Variants in TJP1 observed in about 807,000 individuals in gnomAD.
TJP1 encodes the protein tight junction protein 1, also known as tight junction protein ZO-1.
Under a neutral mutation model 194.2 loss-of-function variants are expected in TJP1, and 43 were observed. That is an observed-to-expected ratio of 0.22 (90% CI 0.17 to 0.29). The LOEUF (loss-of-function observed/expected upper bound fraction) is 0.29. Ranked by LOEUF, TJP1 falls within the 10% of genes least tolerant of loss-of-function variation. TJP1 has a pLI of 1.00. For missense variants in TJP1, 1,971 were observed against 2,185.7 expected, an observed-to-expected ratio of 0.90 and a Z score of 1.96; for synonymous variants, 801 against 779.0, an observed-to-expected ratio of 1.03 and a Z score of -0.47.
intron 2 of TJP1, among the ~76,000 whole-genome samples, chr15:29,953,008 G>A (rs1257766232): frequency 6.6e-6 from 1 of 152,058 alleles, no homozygotes; most frequent in Non-Finnish European, 1.5e-5. Context: ...GGTTCTACAT[G>A]ATTATATTAC....
intron 2 of TJP1, among the ~76,000 whole-genome samples, chr15:29,794,667 A>G (rs1396537837): frequency 6.6e-6 from 1 of 152,224 alleles, no homozygotes; most frequent in East Asian, 1.9e-4. Context: ...AAGAGCATAC[A>G]AAGGGAAACA....
At chr15:29,929,254 A>G (rs1459988900) in intron 2 of TJP1, among the ~76,000 whole-genome samples, 1 of 152,208 alleles carries the variant, frequency 6.6e-6, no homozygotes, top group African/African-American at 2.4e-5. Context: ...GAAACCATAA[A>G]GGATATTAGG....
chr15:29,912,414 A>T (rs2054043580), intron 2 of TJP1, among the ~76,000 whole-genome samples: 1 of 152,222 alleles, frequency 6.6e-6, no homozygotes, highest in Non-Finnish European at 1.5e-5. Context: ...TTTGTAGTCA[A>T]AGAGGTAGCT....
intron 4 of TJP1, among the ~76,000 whole-genome samples, chr15:29,771,443 G>A (rs1051963034): frequency 6.6e-6 from 1 of 152,100 alleles, no homozygotes; most frequent in African/African-American, 2.4e-5. Context: ...GTCTGTTGTT[G>A]ACCAAAACAT....
At chr15:29,946,059 G>A (rs1357742132) in intron 2 of TJP1, among the ~76,000 whole-genome samples, 1 of 152,154 alleles carries the variant, frequency 6.6e-6, no homozygotes, top group African/African-American at 2.4e-5. Context: ...AACACAATAT[G>A]CAGAAAACAA....
At chr15:29,769,890 G>A (rs1261050335) in intron 4 of TJP1, among the ~76,000 whole-genome samples, 1 of 152,104 alleles carries the variant, frequency 6.6e-6, no homozygotes, top group Non-Finnish European at 1.5e-5. Flanking sequence ...ACTGCAGAGT[G>A]TACTCCCTCT....
At chr15:29,915,007 CTG>C (rs1213704158) in intron 2 of TJP1, among the ~76,000 whole-genome samples, 1 of 152,106 alleles carries the variant, frequency 6.6e-6, no homozygotes, top group African/African-American at 2.4e-5. Context: ...TGCAAAAAAA[CTG>C]TTGTTCAATG....
chr15:29,725,175 A>G (rs1299061009), intron 18 of TJP1, among the ~76,000 whole-genome samples: 1 of 152,086 alleles, frequency 6.6e-6, no homozygotes, highest in East Asian at 1.9e-4. Context: ...TTCCACCTTC[A>G]TTTTCCTATC....
chr15:29,949,256 TCCA>T (rs770084103), intron 2 of TJP1, among the ~76,000 whole-genome samples: 1,984 of 41,114 alleles, frequency 0.048, 214 homozygotes, highest in East Asian at 0.13. Context: ...CACCACCACC[TCCA>T]CCACCACCAC....
At position 29,718,878 on chromosome 15, in the gene TJP1, T is replaced by C; in HGVS notation, c.3264A>G (p.Glu1088=). Residue 1088 remains glutamate (E), a synonymous_variant, in exon 21 of 28, where the codon GAA becomes GAG. Coordinates refer to ENST00000614355, the MANE Select transcript of TJP1 (RefSeq NM_001330239.4). ...TGTCATCATAATATGACCACTGTTC[T>C]TCATACATGGGGACGCGATCTTCGT... is the stretch of plus-strand genomic sequence containing the variant. The part of the protein sequence containing the change: ...LRYEDRVPMY[E]EQWSYYDDKQ... 1 of 1,614,222 alleles carries C rather than the reference T, an allele frequency of 6.2e-7. No homozygotes were observed. Among genetic ancestry groups the C allele is most frequent in the Non-Finnish European group, 8.5e-7 (1 of 1,180,040 alleles).
rs536991539 is a variant in TJP1 at position 29,701,839 on chromosome 15, T to G, written c.5213-150A>C. 105 of 618,492 alleles carry G rather than the reference T, an allele frequency of 1.7e-4. 2 individuals are homozygous for G. The South Asian group carries it at 2.5e-3, about 15-fold the overall frequency. The allele number at this position is 618,492 out of a possible 1,614,324, so 38.3% of individuals were successfully genotyped here. On this transcript the variant is annotated intron_variant, in intron 27 of 27. Transcript: ENST00000614355. Reference sequence around the variant, plus strand: ...TTTGTATCAAAACACATTGCTGTATTTCAAAGCAGATCTGCTGGCATCTAA... The same window carrying G: ...TTTGTATCAAAACACATTGCTGTATGTCAAAGCAGATCTGCTGGCATCTAA...
rs369425282 is a variant in TJP1 at position 29,804,011 on chromosome 15, T to C, written c.28-3309A>G. ...CCATAATATAAGTGAGTTACTATGT[T>C]TTACCACTCCTTATCTTTAAAAAAA... On this transcript the variant is annotated intron_variant, in intron 1 of 27. Transcript: ENST00000614355. Among the ~76,000 whole-genome samples, 56 of 151,918 alleles carry C rather than the reference T, an allele frequency of 3.7e-4. No homozygotes were observed. The Middle Eastern group carries it at 0.014, about 37-fold the overall frequency.
At chr15:29,882,818 A>G (rs1463946291) in intron 2 of TJP1, among the ~76,000 whole-genome samples, 2 of 152,096 alleles carry the variant, frequency 1.3e-5, no homozygotes, top group Non-Finnish European at 2.9e-5. Flanking sequence ...TAACTAGAAA[A>G]AGATTTGGCC....
At chr15:29,898,613 G>A (rs1428008123) in intron 2 of TJP1, among the ~76,000 whole-genome samples, 1 of 152,122 alleles carries the variant, frequency 6.6e-6, no homozygotes, top group East Asian at 1.9e-4. Flanking sequence ...TGCTAATACA[G>A]GTGGAGCACC....
chr15:29,773,426 T>C (rs1303857690), intron 2 of TJP1, 69 bp from the exon 3 acceptor site: 1 of 1,472,152 alleles, frequency 6.8e-7, no homozygotes, highest in African/African-American at 1.4e-5. Context: ...TACTCTACAA[T>C]CTAGAGAAGC....
intron 2 of TJP1, among the ~76,000 whole-genome samples, chr15:29,877,098 A>G (rs1567157927): frequency 6.6e-6 from 1 of 152,254 alleles, no homozygotes; most frequent in Non-Finnish European, 1.5e-5. Context: ...TGTTAACTAA[A>G]TGAGGATGTT....
intron 1 of TJP1, 97 bp from the exon 2 acceptor site, chr15:29,800,799 C>T (rs1224692233): frequency 8.6e-7 from 1 of 1,166,974 alleles, no homozygotes; most frequent in East Asian, 2.4e-5. Flanking sequence ...ACTGAAATAC[C>T]AAAATTCACA....
chr15:29,957,163 A>G (rs2152315207), intron 1 of TJP1, among the ~76,000 whole-genome samples: 1 of 152,354 alleles, frequency 6.6e-6, no homozygotes, highest in South Asian at 2.1e-4. Flanking sequence ...AATTATGGAA[A>G]CATGAAAACA....
intron 2 of TJP1, among the ~76,000 whole-genome samples, chr15:29,891,202 C>T (rs143059088): frequency 3.3e-5 from 5 of 152,292 alleles, no homozygotes; most frequent in Admixed American, 6.5e-5. Context: ...ACGGTGAGGA[C>T]TAAATGTCAA....
Sources: allele counts gnomAD v4.1 joint callset (sites outside exome capture counted in the v4.1 genomes callset), GRCh38; gene constraint gnomAD v4.1.1; transcripts MANE v1.5; gene names NCBI Gene and HGNC (gene_info 2026-07-23, HGNC 2026-07-21).